The following NCAN variants were observed in gnomAD, a reference collection of about 807,000 sequenced individuals.
NCAN encodes neurocan.
NCAN carries 47 observed loss-of-function variants against 121.8 expected under a neutral mutation model. That is an observed-to-expected ratio of 0.39 (90% CI 0.31 to 0.49). The LOEUF is 0.49. Ranked by LOEUF, NCAN falls within the 20% of genes least tolerant of loss-of-function variation. The pLI is 0.92. For synonymous variants in NCAN, 633 were observed against 702.0 expected, an observed-to-expected ratio of 0.90 and a Z score of 1.55; for missense variants, 1,517 against 1,773.4, an observed-to-expected ratio of 0.86 and a Z score of 2.60.
At chr19:19,238,558 T>G (rs2060890579) in intron 11 of NCAN, 147 bp downstream of exon 11, 5 of 834,238 alleles carry the variant, frequency 6.0e-6, no homozygotes, top group Non-Finnish European at 7.7e-6. Context: ...CCCTGACTGC[T>G]TCTTAATGCA....
chr19:19,234,942 G>A, intron 9 of NCAN, 41 bp from the exon 10 acceptor site: 3 of 1,390,440 alleles, frequency 2.2e-6, no homozygotes, highest in Non-Finnish European at 3.0e-6. Context: ...AGAGCCAAGG[G>A]GAAGCTGACC....
Position 19,251,808 on chromosome 19 carries a change from A to C in NCAN, c.*1897A>C, listed in dbSNP as rs1233701214. 3.9e-5 allele frequency: 6 copies of C among 151,924 alleles called. No individual in the cohort carries two copies. Among genetic ancestry groups the C allele is most frequent in the Non-Finnish European group, 7.4e-5 (5 of 68,026 alleles). The allele number at this position is 151,924 out of a possible 1,614,324, so 9.4% of individuals were successfully genotyped here. A position where few individuals can be genotyped will look rare whatever the true frequency, so the allele number is the denominator to read the frequency against. The stretch of plus-strand genomic sequence containing the variant: ...CCCAGGGATACAGGTTTGTCTTCTT[A>C]CTTTGATAACTCTTCTTAGTTTAAA... On this transcript the variant is annotated 3_prime_UTR_variant, in exon 15 of 15. Transcript: ENST00000252575.
At chr19:19,226,402 C>A in intron 6 of NCAN, 84 bp from the exon 7 acceptor site, 1 of 1,048,468 alleles carries the variant, frequency 9.5e-7, no homozygotes, top group Non-Finnish European at 1.4e-6. Flanking sequence ...TATGCTGCAG[C>A]ATGCTGGAAA....
In NCAN at chr19:19,227,791, C is replaced by T. The variant is rs1353476833; in HGVS notation, c.2171C>T (p.Ser724Phe). 6.2e-7 allele frequency: 1 copy of T among 1,613,694 alleles called. No individual in the cohort carries two copies. The highest frequency in any genetic ancestry group is 8.5e-7 in the Non-Finnish European group (1 of 1,180,020). The change falls in exon 8 of 15, where the codon TCC (serine) becomes TTC (phenylalanine). Residue 724 changes from serine (S) to phenylalanine (F), a missense_variant. By Grantham distance (155) the Ser-to-Phe change is radical. Transcript: ENST00000252575. This position sits in a 1 kb window ranked among gnomAD's most constrained non-coding sequence, Gnocchi z 4.2. Reference sequence around the variant, plus strand: ...GTCAACAAAGCTGAGCACTCCAGCTCCAGCCCATGGCCTTCTGTAAACAGG... The same window carrying T: ...GTCAACAAAGCTGAGCACTCCAGCTTCAGCCCATGGCCTTCTGTAAACAGG... ...AQVNKAEHSSSSPWPSVNRNV... is the reference protein window; with the variant it reads ...AQVNKAEHSSFSPWPSVNRNV...
intron 13 of NCAN, among the ~76,000 whole-genome samples, chr19:19,246,538 TTG>T (rs1354049095): frequency 1.3e-5 from 2 of 152,118 alleles, no homozygotes; most frequent in African/African-American, 4.8e-5. Context: ...CAGTTGTTTT[TTG>T]TTTGTTTGTT....
intron 11 of NCAN, among the ~76,000 whole-genome samples, chr19:19,240,216 C>T (rs757383408): frequency 2.1e-4 from 32 of 150,626 alleles, no homozygotes; most frequent in Non-Finnish European, 4.4e-4. Flanking sequence ...TTCCCTTCTC[C>T]AGCTCTTACA....
In NCAN at chr19:19,225,102, G is replaced by A. The variant is rs1327784975; in HGVS notation, c.904G>A (p.Asp302Asn). Reference sequence around the variant, plus strand: ...GCACCTGGCCTGGCATGAGGGCCTGGACCAGTGCGACCCGGGCTGGCTGGC... The same window carrying A: ...GCACCTGGCCTGGCATGAGGGCCTGAACCAGTGCGACCCGGGCTGGCTGGC... ...QLHLAWHEGL[D>N]QCDPGWLADG... Residue 302 changes from aspartate to asparagine, a missense_variant, in exon 6 of 15, where the codon GAC becomes AAC. Asp to Asn is a conservative substitution (Grantham distance 23). Transcript: ENST00000252575. The surrounding 1 kb of genome is among the most constrained non-coding windows in gnomAD (Gnocchi z 4.0). 2.6e-6 allele frequency: 4 copies of A among 1,534,942 alleles called. No individual in the cohort carries two copies. In the South Asian group the frequency reaches 4.7e-5, roughly 18 times the overall value.
intron 5 of NCAN, 120 bp downstream of exon 5, chr19:19,224,553 T>C: frequency 1.5e-6 from 2 of 1,309,256 alleles, no homozygotes; most frequent in African/African-American, 1.5e-5. Flanking sequence ...TCCCTAAACC[T>C]GCAACCAAGA....
chr19:19,245,876 G>A (rs1359026947), intron 13 of NCAN, among the ~76,000 whole-genome samples: 1 of 152,046 alleles, frequency 6.6e-6, no homozygotes, highest in African/African-American at 2.4e-5. Context: ...GGGAGAAGGG[G>A]GAGTCACTAG....
At chr19:19,214,021 C>T (rs2060786636) in intron 1 of NCAN, among the ~76,000 whole-genome samples, 2 of 152,138 alleles carry the variant, frequency 1.3e-5, no homozygotes, top group East Asian at 3.8e-4. Flanking sequence ...CTGCTGCAGG[C>T]TCACACACAC....
intron 3 of NCAN, among the ~76,000 whole-genome samples, chr19:19,221,919 A>G (rs766165820): frequency 1.4e-3 from 217 of 152,092 alleles, no homozygotes; most frequent in Non-Finnish European, 1.6e-3. Context: ...ATAGTCAAAA[A>G]CTAAAAATAA....
chr19:19,228,042 C>A lies in NCAN; in HGVS notation c.2422C>A (p.Pro808Thr), dbSNP rs748332141. The A allele has an allele frequency of 6.2e-7, 1 of 1,613,518 alleles. No homozygotes were observed. Among genetic ancestry groups the A allele is most frequent in the Admixed American group, 1.7e-5 (1 of 60,016 alleles). The change falls in exon 8 of 15, where the codon CCC becomes ACC. Residue 808 changes from proline (P) to threonine (T), a missense_variant. Coordinates refer to ENST00000252575, the MANE Select transcript of NCAN (RefSeq NM_004386.3). Reference protein sequence around the residue: ...PLGSPGVFLVPKVTPNLEPWV... With the variant: ...PLGSPGVFLVTKVTPNLEPWV... ...GGGGAGCCCTGGAGTCTTCTTGGTA[C>A]CCAAAGTCACCCCAAATTTGGAGCC... is the stretch of plus-strand genomic sequence containing the variant.
intron 3 of NCAN, among the ~76,000 whole-genome samples, chr19:19,221,330 G>A (rs771545272): frequency 2.6e-5 from 4 of 151,964 alleles, no homozygotes; most frequent in Non-Finnish European, 5.9e-5. Context: ...ATGAGGTCAG[G>A]AGTTCGAGAC....
At chr19:19,231,483 C>T (rs1349302269) in intron 8 of NCAN, among the ~76,000 whole-genome samples, 1 of 152,004 alleles carries the variant, frequency 6.6e-6, no homozygotes, top group Non-Finnish European at 1.5e-5. Context: ...CGTGCACCAC[C>T]ATGTCTGGCT....
chr19:19,227,565 C>G lies in NCAN; in HGVS notation c.1945C>G (p.Pro649Ala), dbSNP rs757125847. 6.2e-7 allele frequency: 1 copy of G among 1,613,924 alleles called. No individual in the cohort carries two copies. Residue 649 changes from proline to alanine, a missense_variant, in exon 8 of 15, where the codon CCC becomes GCC. Transcript: ENST00000252575. This position sits in a 1 kb window ranked among gnomAD's most constrained non-coding sequence, Gnocchi z 4.2. ...PKEWMLPHPT[P>A]ISTEANRVEA... Reference sequence around the variant, plus strand: ...AGAGTGGATGCTACCACACCCCACCCCCATCTCCACCGAGGCCAATAGAGT... The same window carrying G: ...AGAGTGGATGCTACCACACCCCACCGCCATCTCCACCGAGGCCAATAGAGT...
At chr19:19,241,360 C>T (rs1366251455) in intron 12 of NCAN, among the ~76,000 whole-genome samples, 1 of 151,910 alleles carries the variant, frequency 6.6e-6, no homozygotes, top group African/African-American at 2.4e-5. Flanking sequence ...CCCAGGAGTT[C>T]AAGGCTGCAG....
rs2060830063 is a variant in NCAN at position 19,224,987 on chromosome 19, C to T, written c.789C>T (p.Phe263=). Residue 263 remains phenylalanine (F), a synonymous_variant, in exon 6 of 15, where the codon TTC becomes TTT. Transcript: ENST00000252575. Reference sequence around the variant, plus strand: ...CCGCCCCTCCCGCAGGCGAGGTCTTCTACGTGGGCCCGGCCCGCCGCCTGA... The same window carrying T: ...CCGCCCCTCCCGCAGGCGAGGTCTTTTACGTGGGCCCGGCCCGCCGCCTGA... ...CFARELGGEV[F]YVGPARRLTL... is the part of the protein sequence containing the mutation. The T allele has an allele frequency of 6.9e-7, 1 of 1,447,994 alleles. No individual in the cohort carries two copies. The highest frequency in any genetic ancestry group is 1.5e-5 in the African/African-American group (1 of 67,752). The allele number at this position is 1,447,994 out of a possible 1,614,324, so 89.7% of individuals were successfully genotyped here.
intron 1 of NCAN, among the ~76,000 whole-genome samples, chr19:19,216,454 G>A (rs2146535492): frequency 6.6e-6 from 1 of 152,258 alleles, no homozygotes; most frequent in Non-Finnish European, 1.5e-5. Context: ...TGGGATTACA[G>A]GCGCCTGCCA....
At chr19:19,243,979 C>G (rs140217543) in intron 12 of NCAN, among the ~76,000 whole-genome samples, 271 of 152,174 alleles carry the variant, frequency 1.8e-3, no homozygotes, top group African/African-American at 6.0e-3. Context: ...TAGCAGTGAG[C>G]GAGATCGCAC....
Sources: allele counts gnomAD v4.1 joint callset (sites outside exome capture counted in the v4.1 genomes callset), GRCh38; gene constraint gnomAD v4.1.1; non-coding constraint Gnocchi (gnomAD v3.1); transcripts MANE v1.5; gene names NCBI Gene and HGNC (gene_info 2026-07-23, HGNC 2026-07-21).